The following PAN3 variants were observed in gnomAD, a reference collection of about 807,000 sequenced individuals.
PAN3 encodes poly(A) specific ribonuclease subunit PAN3.
Under a neutral mutation model 96.2 loss-of-function variants are expected in PAN3, and 19 were observed. The ratio of observed to expected loss-of-function variants is 0.20; its 90% CI spans 0.14 to 0.29. The LOEUF is 0.29. PAN3 is among the 10% of genes least tolerant of loss of function. The pLI is 1.00. For synonymous variants in PAN3, 433 were observed against 406.6 expected, an observed-to-expected ratio of 1.06 and a Z score of -0.78; for missense variants, 882 against 1,108.1, an observed-to-expected ratio of 0.80 and a Z score of 2.90.
chr13:28,186,382 C>T (rs1424234051), intron 4 of PAN3, among the ~76,000 whole-genome samples: 1 of 152,142 alleles, frequency 6.6e-6, no homozygotes, highest in Non-Finnish European at 1.5e-5. Context: ...TTATTTTAAC[C>T]TTCTCTCAGA....
intron 5 of PAN3, among the ~76,000 whole-genome samples, chr13:28,204,427 C>G (rs1172143487): frequency 6.6e-6 from 1 of 152,148 alleles, no homozygotes; most frequent in African/African-American, 2.4e-5. Flanking sequence ...AATTTCCAAG[C>G]ACATAATAGA....
chr13:28,183,738 A>T (rs1876104027), intron 4 of PAN3, among the ~76,000 whole-genome samples: 1 of 152,218 alleles, frequency 6.6e-6, no homozygotes. Context: ...GGATTGAATT[A>T]GTGTTGCTTC....
intron 1 of PAN3, among the ~76,000 whole-genome samples, chr13:28,154,722 C>T (rs967528683): frequency 1.3e-5 from 2 of 151,682 alleles, no homozygotes; most frequent in South Asian, 2.1e-4. Context: ...TCTCGAACTC[C>T]TGACCTCAGG....
At chr13:28,147,318 G>A (rs1237579945) in intron 1 of PAN3, among the ~76,000 whole-genome samples, 7 of 152,090 alleles carry the variant, frequency 4.6e-5, no homozygotes, top group African/African-American at 7.3e-5. Context: ...CTAGATTTAC[G>A]ATGATTCGAC....
intron 6 of PAN3, among the ~76,000 whole-genome samples, chr13:28,250,657 G>A (rs1884638196): frequency 6.6e-6 from 1 of 152,038 alleles, no homozygotes; most frequent in Admixed American, 6.6e-5. Context: ...ATGAGCCACC[G>A]CACCCGGCCT....
intron 6 of PAN3, among the ~76,000 whole-genome samples, chr13:28,246,994 C>T (rs1884257432): frequency 6.6e-6 from 1 of 152,150 alleles, no homozygotes. Flanking sequence ...GAGGAACCTC[C>T]ATACTGTTTT....
chr13:28,280,106 G>A (rs1887344972), intron 15 of PAN3, among the ~76,000 whole-genome samples: 2 of 152,092 alleles, frequency 1.3e-5, no homozygotes, highest in Admixed American at 1.3e-4. Flanking sequence ...TTTTCATCTA[G>A]CACTATTGTA....
At chr13:28,266,905 A>G (rs754493064) in intron 10 of PAN3, 29 bp downstream of exon 10, 7 of 1,513,678 alleles carry the variant, frequency 4.6e-6, no homozygotes, top group Non-Finnish European at 2.7e-6. Flanking sequence ...CTTCTTTTAT[A>G]ATCGTATCAT....
At chr13:28,202,481 C>T (rs1479821901) in intron 5 of PAN3, among the ~76,000 whole-genome samples, 4 of 152,124 alleles carry the variant, frequency 2.6e-5, no homozygotes, top group Non-Finnish European at 1.5e-5. Flanking sequence ...ATACTACATC[C>T]TAACCATATG....
At chr13:28,247,281 A>T (rs949018863) in intron 6 of PAN3, among the ~76,000 whole-genome samples, 2 of 151,542 alleles carry the variant, frequency 1.3e-5, no homozygotes, top group African/African-American at 4.8e-5. Context: ...TTATTTTTTT[A>T]TTTTTATTTT....
intron 5 of PAN3, among the ~76,000 whole-genome samples, chr13:28,211,510 C>T (rs1371436367): frequency 6.6e-6 from 1 of 152,146 alleles, no homozygotes; most frequent in Admixed American, 6.5e-5. Flanking sequence ...CACAACAAAA[C>T]TTGAAAAACC....
intron 17 of PAN3, among the ~76,000 whole-genome samples, chr13:28,286,697 C>G (rs1377952004): frequency 6.6e-5 from 10 of 152,080 alleles, no homozygotes; most frequent in Admixed American, 1.3e-4. Context: ...ATCCCTTTGT[C>G]CTTGTGTTTA....
chr13:28,162,028 G>A (rs559311821), intron 1 of PAN3, among the ~76,000 whole-genome samples: 3 of 152,266 alleles, frequency 2.0e-5, no homozygotes, highest in South Asian at 2.1e-4. Flanking sequence ...GCATATTAGT[G>A]TTTCATCAGA....
In PAN3 at chr13:28,144,718, C is replaced by CCTTTTTTTTTTTT. The variant is rs1555267661; in HGVS notation, c.430+5631_430+5632insCTTTTTTTTTTTT. ...TATCAAAAGCAAACCAAAACATCAT[C>CCTTTTTTTTTTTT]TTTTTTTTTTTTTTTTTTTTTCCTC... On this transcript the variant is annotated intron_variant, in intron 1 of 18. Coordinates refer to ENST00000380958, the MANE Select transcript of PAN3 (RefSeq NM_175854.8). Among the ~76,000 whole-genome samples the CCTTTTTTTTTTTT allele has an allele frequency of 2.8e-4, 13 of 46,776 alleles. 6 individuals are homozygous for CCTTTTTTTTTTTT. Among genetic ancestry groups the CCTTTTTTTTTTTT allele is most frequent in the Non-Finnish European group, 4.0e-4 (9 of 22,264 alleles). The allele number at this position is 46,776 out of a possible 152,430, so 30.7% of individuals were successfully genotyped here.
At chr13:28,238,498 C>T (rs889408363) in intron 6 of PAN3, among the ~76,000 whole-genome samples, 7 of 152,206 alleles carry the variant, frequency 4.6e-5, no homozygotes, top group African/African-American at 1.2e-4. Context: ...TATTGTATTT[C>T]ACAAGTCTGA....
chr13:28,209,603 A>T (rs567785284), intron 5 of PAN3, among the ~76,000 whole-genome samples: 100 of 152,196 alleles, frequency 6.6e-4, no homozygotes, highest in Middle Eastern at 3.4e-3. Flanking sequence ...TTCTTTTTTT[A>T]AAATACTATA....
In PAN3 at chr13:28,266,697, T is replaced by G. The variant is rs774513603; in HGVS notation, c.1412-18T>G. The G allele has an allele frequency of 3.3e-6, 5 of 1,524,752 alleles. No individual in the cohort carries two copies. The highest frequency in any genetic ancestry group is 4.4e-6 in the Non-Finnish European group (5 of 1,135,442). 94.5% of individuals were successfully genotyped at this position (1,524,752 alleles called of 1,614,324 possible). ...GAATGCCTGTATTTTCAAGTCATCT[T>G]CTTATGAATTACTCTAGCAGTTCCT... On this transcript the variant is annotated intron_variant, in intron 9 of 18. Transcript: ENST00000380958.
At chr13:28,288,458 C>T (rs962468216) in intron 18 of PAN3, among the ~76,000 whole-genome samples, 8 of 152,186 alleles carry the variant, frequency 5.3e-5, no homozygotes, top group Non-Finnish European at 1.0e-4. Context: ...CATCACCATG[C>T]GCAGCTAATC....
intron 6 of PAN3, among the ~76,000 whole-genome samples, chr13:28,236,368 C>CA (rs765123693): frequency 3.9e-5 from 6 of 152,104 alleles, no homozygotes; most frequent in Non-Finnish European, 7.4e-5. Context: ...ATCAAAAACA[C>CA]AGATTTGGAG....
Sources: gnomAD v4.1 joint callset for allele counts (sites outside exome capture counted in the v4.1 genomes callset) on GRCh38, gnomAD v4.1.1 for gene constraint, MANE v1.5 for transcripts, NCBI Gene and HGNC (gene_info 2026-07-23, HGNC 2026-07-21) for gene names.